FOXP1: variants seen among roughly 807,000 people sequenced by gnomAD.
The protein encoded by FOXP1 is forkhead box protein P1.
A neutral mutation model predicts 98.2 loss-of-function variants in FOXP1; 15 were observed. The ratio of observed to expected loss-of-function variants is 0.15; its 90% CI spans 0.10 to 0.24. The LOEUF (loss-of-function observed/expected upper bound fraction) is 0.24. Among genes scored for constraint, FOXP1 ranks in the 10% least tolerant of loss-of-function variants. FOXP1 has a pLI of 1.00. For synonymous variants in FOXP1, 371 were observed against 314.5 expected (o/e 1.18, Z -1.90); for missense variants, 633 against 848.5 (o/e 0.75, Z 3.15).
Position 71,313,281 on chromosome 3 carries a change from G to C in FOXP1, c.-72-13401C>G, listed in dbSNP as rs967757745. Reference sequence around the variant, plus strand: ...TCACTGTGTTAGCCAGGATGGTCTCGATCTCCTGACCTCATGATCCGTCCG... The same window carrying C: ...TCACTGTGTTAGCCAGGATGGTCTCCATCTCCTGACCTCATGATCCGTCCG... On this transcript the variant is annotated intron_variant, in intron 4 of 20. Coordinates refer to ENST00000649528, the MANE Select transcript of FOXP1 (RefSeq NM_001349338.3). 3.5e-4 allele frequency among the ~76,000 whole-genome samples: 53 copies of C among 151,690 alleles called. 2 individuals carry two copies. The highest frequency in any genetic ancestry group is 3.3e-3 in the Admixed American group (51 of 15,248).
At chr3:71,071,475 G>C (rs2107430854) in intron 7 of FOXP1, among the ~76,000 whole-genome samples, 1 of 152,330 alleles carries the variant, frequency 6.6e-6, no homozygotes, top group South Asian at 2.1e-4. Flanking sequence ...TAATGACTTT[G>C]TCAGGAATAA....
At chr3:70,980,353 G>A (rs1029408750) in intron 14 of FOXP1, among the ~76,000 whole-genome samples, 13 of 152,202 alleles carry the variant, frequency 8.5e-5, no homozygotes, top group African/African-American at 2.7e-4. Context: ...ACGCTGCTAA[G>A]CCTAAGAATC....
At chr3:71,112,758 A>G in intron 6 of FOXP1, 121 bp from the exon 7 acceptor site, 1 of 728,824 alleles carries the variant, frequency 1.4e-6, no homozygotes, top group South Asian at 1.5e-5. Flanking sequence ...TTCCTGGCAA[A>G]TGAAACAGCA....
At chr3:71,128,554 T>C (rs1459642631) in intron 6 of FOXP1, among the ~76,000 whole-genome samples, 1 of 152,196 alleles carries the variant, frequency 6.6e-6, no homozygotes, top group Admixed American at 6.5e-5. Context: ...AATTACGTTG[T>C]ACCCTAGCCA....
At chr3:71,394,546 G>T (rs926265815) in intron 3 of FOXP1, among the ~76,000 whole-genome samples, 1 of 152,296 alleles carries the variant, frequency 6.6e-6, no homozygotes, top group East Asian at 1.9e-4. Flanking sequence ...CATTTTTATA[G>T]TTTTAAAAAT....
intron 6 of FOXP1, among the ~76,000 whole-genome samples, chr3:71,186,111 T>C (rs188650370): frequency 1.6e-4 from 25 of 152,324 alleles, no homozygotes; most frequent in Admixed American, 1.3e-3. Context: ...CTGAGAATAA[T>C]ATATTTTTAT....
intron 17 of FOXP1, among the ~76,000 whole-genome samples, chr3:70,976,053 T>TC (rs2037438920): frequency 9.7e-6 from 1 of 103,282 alleles, no homozygotes; most frequent in Non-Finnish European, 2.4e-5. Flanking sequence ...AATCTCCTTT[T>TC]TTTTTTTTTT....
At chr3:71,508,950 A>G (rs1477631651) in intron 2 of FOXP1, among the ~76,000 whole-genome samples, 1 of 152,136 alleles carries the variant, frequency 6.6e-6, no homozygotes, top group Non-Finnish European at 1.5e-5. Context: ...AAAAGGGGAA[A>G]ATGTATGTGA....
intron 6 of FOXP1, among the ~76,000 whole-genome samples, chr3:71,124,328 ATT>A (rs553574613): frequency 6.8e-6 from 1 of 147,308 alleles, no homozygotes; most frequent in African/African-American, 2.5e-5. Flanking sequence ...TATGCTTACA[ATT>A]TTTTTTTTTC....
intron 3 of FOXP1, among the ~76,000 whole-genome samples, chr3:71,466,094 C>A (rs1017447309): frequency 2.0e-5 from 3 of 152,180 alleles, no homozygotes; most frequent in Admixed American, 2.0e-4. Flanking sequence ...AAACGAAACA[C>A]TTATAAAGCT....
In FOXP1 at chr3:71,504,227, A is replaced by C. The variant is rs144324712; in HGVS notation, c.-297-10672T>G. ...CCGAGAATTCCAGGCTACATCATCC[A>C]ATCAATACAATACTTGGAGCACTTT... On this transcript the variant is annotated intron_variant, in intron 2 of 20. Coordinates refer to ENST00000649528, the MANE Select transcript of FOXP1 (RefSeq NM_001349338.3). Among the ~76,000 whole-genome samples the C allele has an allele frequency of 5.1e-3, 778 of 152,306 alleles. 5 individuals are homozygous for C. The highest frequency in any genetic ancestry group is 0.017 in the African/African-American group (717 of 41,562).
intron 3 of FOXP1, among the ~76,000 whole-genome samples, chr3:71,448,645 A>C (rs1001705587): frequency 6.6e-6 from 1 of 152,208 alleles, no homozygotes; most frequent in African/African-American, 2.4e-5. Context: ...TAAGAATAAA[A>C]TGGGACGCAT....
intron 7 of FOXP1, among the ~76,000 whole-genome samples, chr3:71,096,501 T>TAA (rs758278534): frequency 3.3e-5 from 5 of 152,130 alleles, no homozygotes; most frequent in Non-Finnish European, 7.4e-5. Context: ...AACTGAGACT[T>TAA]ACAAATGTAA....
rs149417583 is a variant in FOXP1, at chr3:71,284,244, T to A, written c.-12+15576A>T. On this transcript the variant is annotated intron_variant, in intron 5 of 20. Transcript: ENST00000649528. The stretch of plus-strand genomic sequence containing the variant: ...GTTCTTCTACTGATTTTCCCCCCTC[T>A]AGAATACATCTAAAGAAAAGCAAAT... 1.4e-4 allele frequency among the ~76,000 whole-genome samples: 21 copies of A among 152,222 alleles called. 1 individual carries two copies. The highest frequency in any genetic ancestry group is 5.1e-4 in the African/African-American group (21 of 41,532).
chr3:71,310,219 T>C (rs150360442), intron 4 of FOXP1, among the ~76,000 whole-genome samples: 1 of 152,316 alleles, frequency 6.6e-6, no homozygotes, highest in Non-Finnish European at 1.5e-5. Flanking sequence ...TTATAAAAAA[T>C]CTTCCACATG....
chr3:71,246,237 T>C (rs2067737371), intron 5 of FOXP1, among the ~76,000 whole-genome samples: 2 of 152,144 alleles, frequency 1.3e-5, no homozygotes, highest in Admixed American at 6.5e-5. Flanking sequence ...ATGAGGGTGC[T>C]TCGGTAGCGG....
intron 6 of FOXP1, among the ~76,000 whole-genome samples, chr3:71,135,441 C>T (rs1024391956): frequency 6.6e-6 from 1 of 151,984 alleles, no homozygotes; most frequent in Non-Finnish European, 1.5e-5. Context: ...GCCCCTACCC[C>T]CTACTCCCAA....
chr3:71,145,448 C>A (rs1294248091), intron 6 of FOXP1, among the ~76,000 whole-genome samples: 3 of 152,044 alleles, frequency 2.0e-5, no homozygotes, highest in Admixed American at 6.6e-5. Flanking sequence ...GAGGCTGAGG[C>A]AGAAGAATCG....
chr3:71,521,408 T>C (rs1392017899), intron 2 of FOXP1, among the ~76,000 whole-genome samples: 1 of 152,058 alleles, frequency 6.6e-6, no homozygotes, highest in African/African-American at 2.4e-5. Flanking sequence ...GCGCCTGTAA[T>C]CTCAGCTACT....
Sources: allele counts gnomAD v4.1 joint callset (sites outside exome capture counted in the v4.1 genomes callset), GRCh38; gene constraint gnomAD v4.1.1; transcripts MANE v1.5; gene names NCBI Gene and HGNC (gene_info 2026-07-23, HGNC 2026-07-21).